TBC1D1: variants seen among roughly 807,000 people sequenced by gnomAD.
TBC1D1 encodes the protein TBC1 domain family member 1.
In TBC1D1, 89 loss-of-function variants were observed where a neutral mutation model predicts 125.6. The observed-to-expected ratio is 0.71, with a 90% CI of 0.60 to 0.85. The LOEUF (loss-of-function observed/expected upper bound fraction) is 0.85. Ranked by LOEUF, TBC1D1 falls within the 40% of genes least tolerant of loss-of-function variation. The probability of loss-of-function intolerance (pLI) is 0.00; values close to 1 mark genes in which losing one functional copy is unlikely to be tolerated. For synonymous variants in TBC1D1, 565 were observed against 564.1 expected (o/e 1.00, Z -0.02); for missense variants, 1,377 against 1,469.2 (o/e 0.94, Z 1.03).
At chr4:38,092,240 G>A (rs560431727) in intron 13 of TBC1D1, among the ~76,000 whole-genome samples, 34 of 152,230 alleles carry the variant, frequency 2.2e-4, no homozygotes, top group African/African-American at 6.5e-4. Context: ...TGGAAACTGC[G>A]AATTTAAGCA....
At chr4:38,045,684 A>G in intron 9 of TBC1D1, 133 bp from the exon 10 acceptor site, 1 of 640,998 alleles carries the variant, frequency 1.6e-6, no homozygotes, top group South Asian at 1.9e-5. Flanking sequence ...TTTAATGTAC[A>G]AATATCCTTA....
intron 12 of TBC1D1, among the ~76,000 whole-genome samples, chr4:38,068,406 CCCT>C (rs1754107915): frequency 6.6e-6 from 1 of 152,082 alleles, no homozygotes; most frequent in African/African-American, 2.4e-5. Flanking sequence ...TCGTTTTCTC[CCCT>C]CCTCACCAAA....
At chr4:38,060,361 A>G (rs1173329845) in intron 12 of TBC1D1, among the ~76,000 whole-genome samples, 2 of 152,184 alleles carry the variant, frequency 1.3e-5, no homozygotes, top group Admixed American at 6.5e-5. Flanking sequence ...AAGCATTCTT[A>G]CTTCTCCGCA....
chr4:38,067,696 C>A (rs1753974088), intron 12 of TBC1D1, among the ~76,000 whole-genome samples: 1 of 152,220 alleles, frequency 6.6e-6, no homozygotes, highest in African/African-American at 2.4e-5. Flanking sequence ...ATATGGACCA[C>A]ATTCTGATAG....
rs748934787 is a variant in TBC1D1 at position 38,115,848 on chromosome 4, T to C, written c.2696T>C (p.Ile899Thr). 8.7e-6 allele frequency: 14 copies of C among 1,614,164 alleles called. No individual in the cohort carries two copies. The highest frequency in any genetic ancestry group is 1.2e-5 in the Non-Finnish European group (14 of 1,180,030). The change falls in exon 16 of 20, where the codon ATT becomes ACT. Residue 899 changes from isoleucine to threonine, a missense_variant. Around this residue, in one of 3 missense-constraint regions of TBC1D1, gnomAD observed 543 missense variants for 613.5 expected, o/e 0.89. Coordinates refer to ENST00000261439, the MANE Select transcript of TBC1D1 (RefSeq NM_015173.4). ...CAAGGTCTCAGCTTTGTAGCAGGCA[T>C]TTTGCTTCTTCATATGAGTGAGGAA...
At chr4:38,084,506 C>T (rs931654624) in intron 12 of TBC1D1, among the ~76,000 whole-genome samples, 1 of 152,242 alleles carries the variant, frequency 6.6e-6, no homozygotes, top group African/African-American at 2.4e-5. Context: ...TAAAGCTGCT[C>T]ATACTTTGTA....
At chr4:37,978,743 TAA>T (rs1232110024) in intron 2 of TBC1D1, among the ~76,000 whole-genome samples, 1 of 120,822 alleles carries the variant, frequency 8.3e-6, no homozygotes, top group African/African-American at 3.0e-5. Context: ...TTTGAGTCAT[TAA>T]AAAGTCATTT....
intron 2 of TBC1D1, among the ~76,000 whole-genome samples, chr4:37,984,587 T>C (rs1297260376): frequency 2.0e-5 from 3 of 152,200 alleles, no homozygotes; most frequent in African/African-American, 7.2e-5. Context: ...CTCACACCTG[T>C]GATCCCAGCA....
In TBC1D1 at chr4:38,018,386, T is replaced by A. The variant is rs775530402; in HGVS notation, c.915T>A (p.Pro305=). 6.2e-7 allele frequency: 1 copy of A among 1,612,274 alleles called. No individual in the cohort carries two copies. Among genetic ancestry groups the A allele is most frequent in the South Asian group, 1.1e-5 (1 of 90,658 alleles). ...AGTCTGAAGTTTACCTCATCAGTCC[T>A]GACACCAAAAAAATAGCATTGGAGA... The change falls in exon 4 of 20, where the codon CCT becomes CCA. Residue 305 remains proline (P), a synonymous_variant. Coordinates refer to ENST00000261439, the MANE Select transcript of TBC1D1 (RefSeq NM_015173.4).
chr4:38,079,105 G>C (rs1263982936), intron 12 of TBC1D1, among the ~76,000 whole-genome samples: 1 of 141,266 alleles, frequency 7.1e-6, no homozygotes, highest in Non-Finnish European at 1.5e-5. Context: ...AGGCTCCCAC[G>C]GTGGAGGGGT....
chr4:38,126,321 A>G (rs527882281), intron 18 of TBC1D1, among the ~76,000 whole-genome samples: 55 of 152,384 alleles, frequency 3.6e-4, no homozygotes, highest in Admixed American at 1.5e-3. Flanking sequence ...TAACGAAAGC[A>G]TAGAGCAATC....
intron 12 of TBC1D1, among the ~76,000 whole-genome samples, chr4:38,058,523 A>T (rs1752174200): frequency 6.6e-6 from 1 of 152,222 alleles, no homozygotes; most frequent in Admixed American, 6.5e-5. Context: ...CTTTGGCATG[A>T]AAGACACACA....
chr4:38,132,960 AAGTGT>A, intron 18 of TBC1D1, 119 bp from the exon 21 acceptor site: 1 of 674,090 alleles, frequency 1.5e-6, no homozygotes, highest in Admixed American at 3.3e-5. Context: ...TTCTAGTACC[AAGTGT>A]AGAGCTAAGC....
At chr4:38,134,905 T>C (rs1766227116) in intron 19 of TBC1D1, among the ~76,000 whole-genome samples, 2 of 152,226 alleles carry the variant, frequency 1.3e-5, no homozygotes, top group Non-Finnish European at 1.5e-5. Flanking sequence ...AACTGTGGTC[T>C]ATGCCAACCC....
At chr4:37,916,615 A>G (rs1402911296) in intron 2 of TBC1D1, among the ~76,000 whole-genome samples, 1 of 152,168 alleles carries the variant, frequency 6.6e-6, no homozygotes, top group Admixed American at 6.5e-5. Flanking sequence ...TAAGCAACCA[A>G]CAAGATTCTG....
intron 8 of TBC1D1, among the ~76,000 whole-genome samples, chr4:38,041,243 A>G (rs1748308114): frequency 6.6e-6 from 1 of 152,258 alleles, no homozygotes; most frequent in African/African-American, 2.4e-5. Context: ...AATAATACCT[A>G]ACAGCAGTAG....
chr4:38,114,286 C>G (rs909666695), intron 15 of TBC1D1, among the ~76,000 whole-genome samples: 1 of 152,044 alleles, frequency 6.6e-6, no homozygotes, highest in Non-Finnish European at 1.5e-5. Context: ...GGGAGATTTA[C>G]TGGGGGAAGA....
At chr4:37,950,274 G>A (rs1359191948) in intron 2 of TBC1D1, among the ~76,000 whole-genome samples, 1 of 152,046 alleles carries the variant, frequency 6.6e-6, no homozygotes, top group East Asian at 1.9e-4. Flanking sequence ...TGTAAAATGG[G>A]TATTGTCACA....
intron 2 of TBC1D1, among the ~76,000 whole-genome samples, chr4:37,963,438 A>G (rs1730441998): frequency 6.6e-6 from 1 of 152,158 alleles, no homozygotes; most frequent in Admixed American, 6.5e-5. Flanking sequence ...GGACCACTGG[A>G]GGCCAGGAGT....
Sources: gnomAD v4.1 joint callset for allele counts (sites outside exome capture counted in the v4.1 genomes callset) on GRCh38, gnomAD v4.1.1 for gene constraint, gnomAD v4.1.1 regional missense constraint, MANE v1.5 for transcripts, NCBI Gene and HGNC (gene_info 2026-07-23, HGNC 2026-07-21) for gene names.